Variants in NFIB observed in about 807,000 individuals in gnomAD.
NFIB encodes the protein nuclear factor 1 B-type.
In NFIB, 11 loss-of-function variants were observed where a neutral mutation model predicts 61.5. That is an observed-to-expected ratio of 0.18 (90% CI 0.11 to 0.30). NFIB has a LOEUF of 0.30. NFIB is among the 10% of genes least tolerant of loss of function. The pLI is 1.00. For synonymous variants in NFIB, 260 were observed against 216.5 expected, an observed-to-expected ratio of 1.20 and a Z score of -1.76; for missense variants, 471 against 608.9, an observed-to-expected ratio of 0.77 and a Z score of 2.38.
chr9:14,263,589 G>A (rs369125037), intron 2 of NFIB, among the ~76,000 whole-genome samples: 1 of 152,160 alleles, frequency 6.6e-6, no homozygotes, highest in African/African-American at 2.4e-5. Context: ...ATTCTGCACT[G>A]CGACCTCAGA....
intron 1 of NFIB, among the ~76,000 whole-genome samples, chr9:14,347,812 C>A (rs877571): frequency 0.25 from 38,470 of 152,002 alleles, 5,010 homozygotes; most frequent in Middle Eastern, 0.33. Context: ...CGGTAGAGGG[C>A]AAGTCTTATC....
chr9:14,470,569 CAT>C, the NFIB span, among the ~76,000 whole-genome samples: 1 of 152,134 alleles, frequency 6.6e-6, no homozygotes, highest in African/African-American at 2.4e-5. Context: ...AGAGGAGTCA[CAT>C]AGTACAAAAC....
Position 14,126,405 on chromosome 9 carries a change from C to G in NFIB, c.926-639G>C, listed in dbSNP as rs531179416. Among the ~76,000 whole-genome samples, 164 of 152,270 alleles carry G rather than the reference C, an allele frequency of 1.1e-3. 2 individuals are homozygous for G. The highest frequency in any genetic ancestry group is 3.8e-3 in the African/African-American group (159 of 41,560). ...AATGGTTGTGAATGGTTGAGAGGTACAATGTGTGTTGAGAGCAGGGAAGTT... is the reference window on the plus strand; with the variant it reads ...AATGGTTGTGAATGGTTGAGAGGTAGAATGTGTGTTGAGAGCAGGGAAGTT... On this transcript the variant is annotated intron_variant, in intron 6 of 10. Coordinates refer to ENST00000380953, the MANE Select transcript of NFIB (RefSeq NM_001190737.2).
chr9:14,459,749 CAA>C, the NFIB span, among the ~76,000 whole-genome samples: 18 of 151,126 alleles, frequency 1.2e-4, no homozygotes, highest in East Asian at 1.7e-3. Context: ...TTTATGCAGC[CAA>C]AAGACACATG....
intron 2 of NFIB, among the ~76,000 whole-genome samples, chr9:14,198,506 A>G (rs2048687196): frequency 6.6e-6 from 1 of 152,224 alleles, no homozygotes; most frequent in African/African-American, 2.4e-5. Flanking sequence ...TTAAAGGAGA[A>G]GTAGAACAGC....
Position 14,307,558 on chromosome 9 carries a change from G to A in NFIB, c.31-38C>T. 6.6e-7 allele frequency: 1 copy of A among 1,506,910 alleles called. No individual in the cohort carries two copies. Among genetic ancestry groups the A allele is most frequent in the Non-Finnish European group, 8.9e-7 (1 of 1,128,406 alleles). 93.3% of individuals were successfully genotyped at this position (1,506,910 alleles called of 1,614,324 possible). On this transcript the variant is annotated intron_variant, in intron 1 of 10. Coordinates refer to ENST00000380953, the MANE Select transcript of NFIB (RefSeq NM_001190737.2). This position sits in a 1 kb window ranked among gnomAD's most constrained non-coding sequence, Gnocchi z 5.3. ...GAGGGGTGAGGAAAAGATGTGCATA[G>A]TCAGTTTAATTTTAAAAGCTCAAAA...
intron 2 of NFIB, among the ~76,000 whole-genome samples, chr9:14,258,923 A>G (rs1218401773): frequency 6.6e-6 from 1 of 152,216 alleles, no homozygotes; most frequent in Admixed American, 6.5e-5. Context: ...CCTTCTTTCT[A>G]GGATCTGGCT....
chr9:14,249,275 G>C (rs1194228927), intron 2 of NFIB, among the ~76,000 whole-genome samples: 1 of 152,200 alleles, frequency 6.6e-6, no homozygotes, highest in Non-Finnish European at 1.5e-5. Flanking sequence ...GAGTCAAAGA[G>C]CTTAAACAAA....
intron 6 of NFIB, 69 bp from the exon 7 acceptor site, chr9:14,125,835 G>T: frequency 1.3e-6 from 2 of 1,562,612 alleles, no homozygotes; most frequent in Non-Finnish European, 1.7e-6. Flanking sequence ...GTCAACAAAT[G>T]ACAGATCTCA....
At chr9:14,410,325 T>A in the NFIB span, among the ~76,000 whole-genome samples, 2 of 152,368 alleles carry the variant, frequency 1.3e-5, no homozygotes, top group South Asian at 4.1e-4. Flanking sequence ...TTTGCCCCAC[T>A]GTAGCCAATA....
At chr9:14,441,216 A>G in the NFIB span, among the ~76,000 whole-genome samples, 3 of 151,944 alleles carry the variant, frequency 2.0e-5, no homozygotes. Flanking sequence ...AGGATAAACT[A>G]TTCATTAGCA....
At chr9:14,522,239 G>C in the NFIB span, among the ~76,000 whole-genome samples, 3 of 152,134 alleles carry the variant, frequency 2.0e-5, no homozygotes, top group Non-Finnish European at 4.4e-5. Context: ...AATTAGCTCT[G>C]TTGGCTTTTT....
the NFIB span, among the ~76,000 whole-genome samples, chr9:14,419,342 A>T: frequency 6.6e-6 from 1 of 151,604 alleles, no homozygotes; most frequent in Non-Finnish European, 1.5e-5. Context: ...TGAAAAGCAG[A>T]CTTGAAGTGA....
chr9:14,344,932 G>A (rs767644598), intron 1 of NFIB, among the ~76,000 whole-genome samples: 4 of 152,120 alleles, frequency 2.6e-5, no homozygotes, highest in Non-Finnish European at 4.4e-5. Flanking sequence ...GGCTTTGAAG[G>A]AAGAGGGGTG....
chr9:14,204,466 A>T (rs954769056), intron 2 of NFIB: 1 of 1,039,040 alleles, frequency 9.6e-7, no homozygotes, highest in Non-Finnish European at 1.5e-6. Context: ...TCTATAAGCG[A>T]CTGAAAATGC....
At chr9:14,122,986 C>T (rs1046499803) in intron 7 of NFIB, among the ~76,000 whole-genome samples, 7 of 151,988 alleles carry the variant, frequency 4.6e-5, no homozygotes, top group Non-Finnish European at 7.4e-5. Context: ...TGGTGGCTCA[C>T]GGCTGTAATC....
At chr9:14,190,383 T>C (rs2047816145) in intron 2 of NFIB, among the ~76,000 whole-genome samples, 1 of 152,316 alleles carries the variant, frequency 6.6e-6, no homozygotes, top group African/African-American at 2.4e-5. Flanking sequence ...GGGGTATTCA[T>C]TACTGCTTCT....
At chr9:14,274,251 TACACACAC>T (rs71321975) in intron 2 of NFIB, among the ~76,000 whole-genome samples, 16 of 124,020 alleles carry the variant, frequency 1.3e-4, no homozygotes, top group Middle Eastern at 3.9e-3. Flanking sequence ...TCTTCCTCCC[TACACACAC>T]ACACACACAC....
At chr9:14,407,816 G>C in the NFIB span, among the ~76,000 whole-genome samples, 13 of 151,118 alleles carry the variant, frequency 8.6e-5, no homozygotes, top group African/African-American at 3.2e-4. Flanking sequence ...CTCCTGAGTA[G>C]CTGGGACTAC....
Sources: allele counts gnomAD v4.1 joint callset (sites outside exome capture counted in the v4.1 genomes callset), GRCh38; gene constraint gnomAD v4.1.1; non-coding constraint Gnocchi (gnomAD v3.1); transcripts MANE v1.5; gene names NCBI Gene and HGNC (gene_info 2026-07-23, HGNC 2026-07-21).